Variants in LPL observed in about 807,000 individuals in gnomAD.
LPL encodes lipoprotein lipase, also known as phospholipase A1.
LPL carries 43 observed loss-of-function variants against 52.2 expected under a neutral mutation model. The ratio of observed to expected loss-of-function variants is 0.82; its 90% CI spans 0.64 to 1.06. The LOEUF (loss-of-function observed/expected upper bound fraction) is 1.06. Among genes scored for constraint, LPL ranks in the 50% least tolerant of loss-of-function variants. The probability of loss-of-function intolerance (pLI) is 0.00; values close to 1 mark genes in which losing one functional copy is unlikely to be tolerated. For synonymous variants in LPL, 244 were observed against 215.6 expected (o/e 1.13, Z -1.15); for missense variants, 639 against 585.3 (o/e 1.09, Z -0.95).
chr8:19,954,371 G>C lies in LPL; in HGVS notation c.775+18G>C. On this transcript the variant is annotated intron_variant, in intron 5 of 9. Coordinates refer to ENST00000650287, the MANE Select transcript of LPL (RefSeq NM_000237.3). Reference sequence around the variant, plus strand: ...ACTTGGAGGTAAATATTATTTAGAAGCGAATTAAATGTGACTCTTATCCTT... The same window carrying C: ...ACTTGGAGGTAAATATTATTTAGAACCGAATTAAATGTGACTCTTATCCTT... 1 of 1,604,628 alleles carries C rather than the reference G, an allele frequency of 6.2e-7. No individual in the cohort carries two copies. Among genetic ancestry groups the C allele is most frequent in the East Asian group, 2.2e-5 (1 of 44,850 alleles).
At chr8:19,951,697 G>A (rs976137379) in intron 2 of LPL, 72 bp from the exon 3 acceptor site, 2 of 1,515,172 alleles carry the variant, frequency 1.3e-6, no homozygotes, top group African/African-American at 2.7e-5. Flanking sequence ...TTTCATGCAG[G>A]TGTATTGGGC....
chr8:19,943,286 A>C (rs1164063057), intron 1 of LPL, among the ~76,000 whole-genome samples: 1 of 152,208 alleles, frequency 6.6e-6, no homozygotes, highest in Non-Finnish European at 1.5e-5. Context: ...GATGGTGGTG[A>C]ATGTAGGTAA....
rs1341991169 is a variant in LPL at position 19,939,444 on chromosome 8, G to A, written c.4G>A (p.Glu2Lys). 6.2e-7 allele frequency: 1 copy of A among 1,609,332 alleles called. No homozygotes were observed. The highest frequency in any genetic ancestry group is 1.3e-5 in the African/African-American group (1 of 75,022). The change falls in exon 1 of 10, where the codon GAG becomes AAG. Residue 2 changes from glutamate to lysine, a missense_variant. Physicochemically the swap from Glu to Lys is moderately conservative, Grantham distance 56 (BLOSUM62 1). Transcript: ENST00000650287. The surrounding 1 kb of genome is among the most constrained non-coding windows in gnomAD (Gnocchi z 4.0). Reference sequence around the variant, plus strand: ...CTCCAGAGGGACGCGCCCCGAGATGGAGAGCAAAGCCCTGCTCGTGCTGAC... The same window carrying A: ...CTCCAGAGGGACGCGCCCCGAGATGAAGAGCAAAGCCCTGCTCGTGCTGAC... M[E>K]SKALLVLTLA...
intron 8 of LPL, among the ~76,000 whole-genome samples, chr8:19,961,761 T>C (rs778234355): frequency 1.3e-5 from 2 of 152,062 alleles, no homozygotes; most frequent in Non-Finnish European, 2.9e-5. Flanking sequence ...TTTTTTACAC[T>C]AGCAATGTCT....
At chr8:19,953,169 C>T (rs1487932668) in intron 3 of LPL, 141 bp from the exon 4 acceptor site, 1 of 641,976 alleles carries the variant, frequency 1.6e-6, no homozygotes, top group Non-Finnish European at 2.8e-6. Flanking sequence ...CTCTCTCTTA[C>T]CTGTAACACA....
At chr8:19,940,529 A>G (rs966917357) in intron 1 of LPL, among the ~76,000 whole-genome samples, 1 of 152,242 alleles carries the variant, frequency 6.6e-6, no homozygotes, top group African/African-American at 2.4e-5. Flanking sequence ...CCTGTCCGCA[A>G]TGGAGGCAGC....
At chr8:19,946,964 A>G (rs1327159977) in intron 1 of LPL, among the ~76,000 whole-genome samples, 1 of 152,228 alleles carries the variant, frequency 6.6e-6, no homozygotes, top group African/African-American at 2.4e-5. Context: ...CCTTTCAACA[A>G]CAAGGTTTGC....
At chr8:19,952,079 G>T in intron 3 of LPL, 131 bp downstream of exon 3, 1 of 1,008,660 alleles carries the variant, frequency 9.9e-7, no homozygotes, top group African/African-American at 1.6e-5. Flanking sequence ...TTCAGAATCA[G>T]CGTGGATATT....
Position 19,955,921 on chromosome 8 carries a change from A to G in LPL, c.856A>G (p.Ser286Gly). The change falls in exon 6 of 10, where the codon AGT becomes GGT. Residue 286 changes from serine to glycine, a missense_variant. Ser to Gly is a moderately conservative substitution (Grantham distance 56). Coordinates refer to ENST00000650287, the MANE Select transcript of LPL (RefSeq NM_000237.3). Reference protein sequence around the residue: ...IDSLLNEENPSKAYRCSSKEA... With the variant: ...IDSLLNEENPGKAYRCSSKEA... The stretch of plus-strand genomic sequence containing the variant: ...CTCTCTGTTGAATGAAGAAAATCCA[A>G]GTAAGGCCTACAGGTGCAGTTCCAA... 6.2e-7 allele frequency: 1 copy of G among 1,614,190 alleles called. No homozygotes were observed. The highest frequency in any genetic ancestry group is 1.1e-5 in the South Asian group (1 of 91,088).
At chr8:19,963,426 A>G (rs969395978) in intron 9 of LPL, among the ~76,000 whole-genome samples, 1 of 119,618 alleles carries the variant, frequency 8.4e-6, no homozygotes, top group Non-Finnish European at 1.7e-5. Flanking sequence ...ACAGAGAAAG[A>G]CTCCATCTCA....
Position 19,939,448 on chromosome 8 carries a change from G to A in LPL, c.8G>A (p.Ser3Asn), listed in dbSNP as rs367592716. Residue 3 changes from serine to asparagine, a missense_variant, in exon 1 of 10, where the codon AGC becomes AAC. By Grantham distance (46) the Ser-to-Asn change is conservative (BLOSUM62 1). Transcript: ENST00000650287. The surrounding 1 kb of genome is among the most constrained non-coding windows in gnomAD (Gnocchi z 4.0). ...AGAGGGACGCGCCCCGAGATGGAGA[G>A]CAAAGCCCTGCTCGTGCTGACTCTG... ME[S>N]KALLVLTLAV... The A allele has an allele frequency of 5.3e-5, 85 of 1,609,644 alleles. No homozygotes were observed. The East Asian group carries it at 6.9e-4, about 13-fold the overall frequency.
chr8:19,954,481 G>A, intron 5 of LPL, 128 bp downstream of exon 5: 1 of 905,424 alleles, frequency 1.1e-6, no homozygotes, highest in African/African-American at 1.7e-5. Context: ...TGTTTCTGAA[G>A]AATTCTGCAA....
intron 3 of LPL, among the ~76,000 whole-genome samples, chr8:19,952,160 A>G (rs1171728430): frequency 1.3e-5 from 2 of 152,158 alleles, no homozygotes; most frequent in South Asian, 2.1e-4. Flanking sequence ...GCCCTGCTCT[A>G]TCGTTTGATA....
chr8:19,965,523 A>G lies in LPL; in HGVS notation c.*213A>G. The G allele has an allele frequency of 1.8e-6, 1 of 554,730 alleles. No homozygotes were observed. The highest frequency in any genetic ancestry group is 3.2e-6 in the Non-Finnish European group (1 of 311,380). The allele number at this position is 554,730 out of a possible 1,614,324, so 34.4% of individuals were successfully genotyped here. A position where few individuals can be genotyped will look rare whatever the true frequency, so the allele number is the denominator to read the frequency against. ...ATTCAATTTATGGGGTATAGTGGCC[A>G]AATAGCACATCCTCCAACGTTAAAA... is the stretch of plus-strand genomic sequence containing the variant. On this transcript the variant is annotated 3_prime_UTR_variant, in exon 10 of 10. Transcript: ENST00000650287.
In LPL at chr8:19,951,792, G is replaced by A. The variant is rs756598856; in HGVS notation, c.273G>A (p.Trp91Ter). ...GWTVTGMYES[W>*]VPKLVAALYK... Reference sequence around the variant, plus strand: ...AGGTAACAGGAATGTATGAGAGTTGGGTGCCAAAACTTGTGGCCGCCCTGT... The same window carrying A: ...AGGTAACAGGAATGTATGAGAGTTGAGTGCCAAAACTTGTGGCCGCCCTGT... Residue 91 changes from tryptophan to a stop codon, truncating the protein, a stop_gained, in exon 3 of 10, where the codon TGG (tryptophan) becomes TGA (stop). Transcript: ENST00000650287. LOFTEE classifies it high-confidence loss of function. 2.5e-6 allele frequency: 4 copies of A among 1,614,170 alleles called. No homozygotes were observed. In the South Asian group the frequency reaches 4.4e-5, roughly 18 times the overall value.
rs181349660 is a variant in LPL, at chr8:19,944,080, G to A, written c.89-4100G>A. ...CAGGCACCTGTAATCCCGGCTACTC[G>A]GGAGGCTGAGGCAGAGAATGGCTTG... On this transcript the variant is annotated intron_variant, in intron 1 of 9. Coordinates refer to ENST00000650287, the MANE Select transcript of LPL (RefSeq NM_000237.3). The surrounding 1 kb of genome is among the most constrained non-coding windows in gnomAD (Gnocchi z 4.2). Among the ~76,000 whole-genome samples the A allele has an allele frequency of 3.7e-4, 56 of 152,088 alleles. No individual in the cohort carries two copies. The East Asian group carries it at 8.9e-3, about 24-fold the overall frequency.
chr8:19,963,182 T>A (rs2070055297), intron 9 of LPL, among the ~76,000 whole-genome samples: 1 of 152,218 alleles, frequency 6.6e-6, no homozygotes, highest in Non-Finnish European at 1.5e-5. Context: ...ATGCCTGCAA[T>A]CCCAGCACTT....
rs985542076 is a variant in LPL, at chr8:19,965,542, G to A, written c.*232G>A. ...GTGGCCAAATAGCACATCCTCCAAC[G>A]TTAAAAGACAGTGGATCATGAAAAG... On this transcript the variant is annotated 3_prime_UTR_variant, in exon 10 of 10. Coordinates refer to ENST00000650287, the MANE Select transcript of LPL (RefSeq NM_000237.3). 5.7e-6 allele frequency: 3 copies of A among 524,572 alleles called. No homozygotes were observed. Among genetic ancestry groups the A allele is most frequent in the South Asian group, 3.0e-5 (1 of 33,670 alleles). 32.5% of individuals were successfully genotyped at this position (524,572 alleles called of 1,614,324 possible). A position where few individuals can be genotyped will look rare whatever the true frequency, so the allele number is the denominator to read the frequency against.
chr8:19,960,041 G>A (rs571005022), intron 7 of LPL, among the ~76,000 whole-genome samples: 13 of 151,590 alleles, frequency 8.6e-5, no homozygotes, highest in South Asian at 6.3e-4. Context: ...CACCCGCCTC[G>A]GCCTCCCAAA....
Sources: allele counts gnomAD v4.1 joint callset (sites outside exome capture counted in the v4.1 genomes callset), GRCh38; gene constraint gnomAD v4.1.1; non-coding constraint Gnocchi (gnomAD v3.1); transcripts MANE v1.5; gene names NCBI Gene and HGNC (gene_info 2026-07-23, HGNC 2026-07-21).